The following NCAM2 variants were observed in gnomAD, a reference collection of about 807,000 sequenced individuals.
The protein encoded by NCAM2 is N-CAM-2.
NCAM2 carries 30 observed loss-of-function variants against 98.1 expected under a neutral mutation model. The observed-to-expected ratio is 0.31, with a 90% CI of 0.23 to 0.41. The LOEUF (loss-of-function observed/expected upper bound fraction) is 0.41, where lower values mean the gene tolerates loss of function less well. NCAM2 is among the 10% of genes least tolerant of loss of function. NCAM2 has a pLI of 1.00. For synonymous variants in NCAM2, 368 were observed against 342.4 expected (o/e 1.07, Z -0.83); for missense variants, 867 against 1,005.8 (o/e 0.86, Z 1.87).
At chr21:21,207,436 A>ACTGTGTTTGAAT (rs1286392730) in intron 1 of NCAM2, among the ~76,000 whole-genome samples, 2 of 152,156 alleles carry the variant, frequency 1.3e-5, no homozygotes, top group African/African-American at 4.8e-5. Context: ...AATTAAAGAT[A>ACTGTGTTTGAAT]CTGTGTTTGA....
chr21:21,286,186 G>A lies in NCAM2; in HGVS notation c.338-83G>A, dbSNP rs1023131441. 5.8e-6 allele frequency: 8 copies of A among 1,388,664 alleles called. No homozygotes were observed. The African/African-American group carries it at 5.8e-5, about 10-fold the overall frequency. The allele number at this position is 1,388,664 out of a possible 1,614,324, so 86.0% of individuals were successfully genotyped here. On this transcript the variant is annotated intron_variant, in intron 3 of 17. Coordinates refer to ENST00000400546, the MANE Select transcript of NCAM2 (RefSeq NM_004540.5). ...ATTATTTTATTATAGTATCAATAGA[G>A]TCTGGATTATGTTATTGGGAGAAAT... is the stretch of plus-strand genomic sequence containing the variant.
intron 1 of NCAM2, among the ~76,000 whole-genome samples, chr21:21,149,209 A>G (rs1315058628): frequency 6.6e-6 from 1 of 152,142 alleles, no homozygotes; most frequent in Non-Finnish European, 1.5e-5. Flanking sequence ...TTCCTTTTCC[A>G]TATAAATTTA....
intron 15 of NCAM2, among the ~76,000 whole-genome samples, chr21:21,495,663 C>CCAAT (rs1221796479): frequency 1.3e-5 from 2 of 152,012 alleles, no homozygotes; most frequent in African/African-American, 2.4e-5. Flanking sequence ...CCAATGCCCA[C>CCAAT]CAATCACCTC....
intron 1 of NCAM2, among the ~76,000 whole-genome samples, chr21:21,280,238 C>G (rs3737412): frequency 0.069 from 10,413 of 151,626 alleles, 678 homozygotes; most frequent in East Asian, 0.34. Context: ...GGGCAAACAT[C>G]TTTTTTTTAG....
chr21:21,333,963 TA>T (rs921557855), intron 6 of NCAM2, among the ~76,000 whole-genome samples: 3 of 152,072 alleles, frequency 2.0e-5, no homozygotes, highest in Admixed American at 6.5e-5. Context: ...CATTTATTAT[TA>T]TTTTTTTTTT....
At chr21:21,490,624 AT>A (rs921269227) in intron 15 of NCAM2, among the ~76,000 whole-genome samples, 49 of 151,520 alleles carry the variant, frequency 3.2e-4, no homozygotes, top group Non-Finnish European at 6.5e-4. Context: ...AGCTAGTCTT[AT>A]TTTTTTTCCT....
At chr21:21,419,327 G>A (rs1372139463) in intron 11 of NCAM2, among the ~76,000 whole-genome samples, 2 of 76,104 alleles carry the variant, frequency 2.6e-5, no homozygotes, top group African/African-American at 1.1e-4. Flanking sequence ...TTTTTTTTTT[G>A]GATGTTAGGA....
intron 1 of NCAM2, among the ~76,000 whole-genome samples, chr21:21,022,722 A>G (rs1341739552): frequency 2.0e-5 from 3 of 152,200 alleles, no homozygotes; most frequent in Non-Finnish European, 4.4e-5. Flanking sequence ...TACAGTAATA[A>G]TAATGAGTTT....
intron 15 of NCAM2, among the ~76,000 whole-genome samples, chr21:21,484,700 G>C (rs887891142): frequency 2.0e-5 from 3 of 152,132 alleles, no homozygotes; most frequent in African/African-American, 7.2e-5. Flanking sequence ...ACCCATGAAT[G>C]ATTAAGCTTT....
intron 1 of NCAM2, among the ~76,000 whole-genome samples, chr21:21,131,147 T>C (rs571328412): frequency 3.3e-5 from 5 of 152,212 alleles, no homozygotes; most frequent in Admixed American, 6.5e-5. Flanking sequence ...AAATCACAGC[T>C]AATATAGACA....
intron 4 of NCAM2, 143 bp downstream of exon 4, chr21:21,286,555 C>A: frequency 2.2e-6 from 2 of 908,858 alleles, no homozygotes; most frequent in Non-Finnish European, 3.2e-6. Context: ...GTAAGCTCTA[C>A]ATTAGGATTT....
At chr21:21,075,844 T>C (rs9808707) in intron 1 of NCAM2, among the ~76,000 whole-genome samples, 5,652 of 152,232 alleles carry the variant, frequency 0.037, 330 homozygotes, top group African/African-American at 0.13. Flanking sequence ...TGGCCGGGTG[T>C]GGTGGCTCAC....
intron 9 of NCAM2, among the ~76,000 whole-genome samples, chr21:21,407,618 A>G (rs745865075): frequency 4.6e-5 from 7 of 152,268 alleles, no homozygotes; most frequent in Non-Finnish European, 7.4e-5. Flanking sequence ...GATTGAGTTT[A>G]TTTGTAACTA....
chr21:21,261,896 A>C (rs768940872), intron 1 of NCAM2, among the ~76,000 whole-genome samples: 3 of 152,116 alleles, frequency 2.0e-5, no homozygotes, highest in Non-Finnish European at 4.4e-5. Flanking sequence ...CCAAAAAATC[A>C]TACAAAGAAT....
At chr21:21,182,792 C>T (rs902267746) in intron 1 of NCAM2, among the ~76,000 whole-genome samples, 3 of 152,138 alleles carry the variant, frequency 2.0e-5, no homozygotes, top group Non-Finnish European at 2.9e-5. Flanking sequence ...CAGAGATCAG[C>T]ACTTGGCAAC....
intron 15 of NCAM2, among the ~76,000 whole-genome samples, chr21:21,484,290 TG>T (rs1986152513): frequency 6.6e-6 from 1 of 151,552 alleles, no homozygotes; most frequent in Admixed American, 6.6e-5. Flanking sequence ...TTTGTAGGTT[TG>T]CATTAATTGT....
chr21:21,236,854 C>G lies in NCAM2; in HGVS notation c.56-43724C>G, dbSNP rs550411556. 1.0e-3 allele frequency among the ~76,000 whole-genome samples: 158 copies of G among 152,094 alleles called. 2 individuals carry two copies. The highest frequency in any genetic ancestry group is 6.8e-3 in the Middle Eastern group (2 of 294). Reference sequence around the variant, plus strand: ...ATGCTTTCCCTAATATCCACAATATCACTAGGAACAAAATAATCTTTAAGC... The same window carrying G: ...ATGCTTTCCCTAATATCCACAATATGACTAGGAACAAAATAATCTTTAAGC... On this transcript the variant is annotated intron_variant, in intron 1 of 17. Transcript: ENST00000400546.
chr21:21,483,878 T>C (rs544579299), intron 15 of NCAM2, among the ~76,000 whole-genome samples: 58 of 152,180 alleles, frequency 3.8e-4, no homozygotes, highest in African/African-American at 6.3e-4. Context: ...CTAGCTTCTA[T>C]GCTTATTGCA....
chr21:21,143,958 A>G (rs2067222187), intron 1 of NCAM2, among the ~76,000 whole-genome samples: 1 of 151,948 alleles, frequency 6.6e-6, no homozygotes, highest in South Asian at 2.1e-4. Context: ...TCAATGTGTT[A>G]TTTGTTTCAC....
Sources: allele counts gnomAD v4.1 joint callset (sites outside exome capture counted in the v4.1 genomes callset), GRCh38; gene constraint gnomAD v4.1.1; transcripts MANE v1.5; gene names NCBI Gene and HGNC (gene_info 2026-07-23, HGNC 2026-07-21).